The following PPP1R21 variants were observed in gnomAD, a reference collection of about 807,000 sequenced individuals.
PPP1R21 encodes KLRAQ motif containing 1.
PPP1R21 carries 85 observed loss-of-function variants against 112.8 expected under a neutral mutation model. The ratio of observed to expected loss-of-function variants is 0.75; its 90% CI spans 0.63 to 0.90. PPP1R21 has a LOEUF of 0.90. Ranked by LOEUF, PPP1R21 falls within the 40% of genes least tolerant of loss-of-function variation. The probability of loss-of-function intolerance (pLI) is 0.00; values close to 1 mark genes in which losing one functional copy is unlikely to be tolerated. For synonymous variants in PPP1R21, 381 were observed against 322.3 expected (o/e 1.18, Z -1.95); for missense variants, 1,199 against 901.5 (o/e 1.33, Z -4.23).
At chr2:48,505,731 A>G (rs1670345713) in intron 18 of PPP1R21, 135 bp downstream of exon 18, 3 of 759,910 alleles carry the variant, frequency 3.9e-6, no homozygotes, top group East Asian at 5.4e-5. Context: ...ATGTGGAGCC[A>G]GTGTTTTCCA....
At chr2:48,487,654 G>C (rs1011360162) in intron 14 of PPP1R21, among the ~76,000 whole-genome samples, 1 of 151,810 alleles carries the variant, frequency 6.6e-6, no homozygotes, top group African/African-American at 2.4e-5. Context: ...CCAGCTACTT[G>C]GGTGGCTGAG....
At chr2:48,462,157 A>C (rs1425666124) in intron 7 of PPP1R21, among the ~76,000 whole-genome samples, 2 of 152,208 alleles carry the variant, frequency 1.3e-5, no homozygotes, top group Non-Finnish European at 2.9e-5. Flanking sequence ...TCATGGATTT[A>C]TCCTTCCTTT....
chr2:48,515,359 A>G lies in PPP1R21; in HGVS notation c.*615A>G, dbSNP rs529849290. The stretch of plus-strand genomic sequence containing the variant: ...TTAGAGTAATAGCTAAAGGAAGTTC[A>G]TGTCAATAAATTCATACTTATATCA... On this transcript the variant is annotated 3_prime_UTR_variant, in exon 22 of 22. Coordinates refer to ENST00000294952, the MANE Select transcript of PPP1R21 (RefSeq NM_001135629.3). 6.6e-6 allele frequency: 1 copy of G among 152,134 alleles called. No homozygotes were observed. Among genetic ancestry groups the G allele is most frequent in the Non-Finnish European group, 1.5e-5 (1 of 68,046 alleles). The allele number at this position is 152,134 out of a possible 1,614,324, so 9.4% of individuals were successfully genotyped here. A position where few individuals can be genotyped will look rare whatever the true frequency, so the allele number is the denominator to read the frequency against.
At chr2:48,472,484 G>T (rs1273450000) in intron 11 of PPP1R21, among the ~76,000 whole-genome samples, 1 of 150,762 alleles carries the variant, frequency 6.6e-6, no homozygotes, top group Admixed American at 6.6e-5. Flanking sequence ...AAATTAGCCG[G>T]GCGTGGTGGT....
chr2:48,444,725 G>A (rs1355179525), intron 1 of PPP1R21, among the ~76,000 whole-genome samples: 2 of 152,202 alleles, frequency 1.3e-5, no homozygotes, highest in Non-Finnish European at 2.9e-5. Flanking sequence ...TCTGAAACTA[G>A]CAGTGAGACC....
chr2:48,460,294 C>T, intron 6 of PPP1R21, 141 bp downstream of exon 6: 2 of 795,302 alleles, frequency 2.5e-6, no homozygotes, highest in Middle Eastern at 2.4e-4. Context: ...CTTTTCAATT[C>T]TGGGATCTCC....
At chr2:48,445,989 T>C (rs1166509337) in intron 1 of PPP1R21, among the ~76,000 whole-genome samples, 3 of 152,224 alleles carry the variant, frequency 2.0e-5, no homozygotes, top group African/African-American at 7.2e-5. Flanking sequence ...TCTGAAGCTT[T>C]GAATCAGGGT....
chr2:48,498,807 T>A, intron 17 of PPP1R21, 72 bp downstream of exon 17: 1 of 1,466,026 alleles, frequency 6.8e-7, no homozygotes, highest in Non-Finnish European at 9.5e-7. Context: ...TGTTCAACAT[T>A]AACCATTGTC....
At chr2:48,501,061 A>G (rs1259395547) in intron 17 of PPP1R21, among the ~76,000 whole-genome samples, 2 of 152,202 alleles carry the variant, frequency 1.3e-5, no homozygotes, top group African/African-American at 2.4e-5. Flanking sequence ...TGTTCCAGTC[A>G]CAAGTCCTGC....
intron 17 of PPP1R21, among the ~76,000 whole-genome samples, chr2:48,499,950 A>T (rs753394359): frequency 2.0e-5 from 3 of 152,062 alleles, no homozygotes; most frequent in African/African-American, 7.2e-5. Context: ...TTTAACAAAC[A>T]TTTTTTTTAC....
chr2:48,493,565 G>C (rs1416429414), intron 15 of PPP1R21, among the ~76,000 whole-genome samples: 1 of 149,318 alleles, frequency 6.7e-6, no homozygotes, highest in East Asian at 2.0e-4. Context: ...TTTACATTTG[G>C]ACAGGCAGCC....
chr2:48,446,390 G>A (rs1667249167), intron 1 of PPP1R21, among the ~76,000 whole-genome samples: 1 of 152,168 alleles, frequency 6.6e-6, no homozygotes. Flanking sequence ...CAGAACCAGA[G>A]TTGTAGAGAG....
In PPP1R21 at chr2:48,479,670, A is replaced by T. The variant is rs1337638386; in HGVS notation, c.1226-254A>T. ...TTCGTTTTACAAAGAATCATGACAG[A>T]CTTAATCCTGCTTAACAACTGAATT... On this transcript the variant is annotated intron_variant, in intron 12 of 21. Coordinates refer to ENST00000294952, the MANE Select transcript of PPP1R21 (RefSeq NM_001135629.3). 4 of 615,130 alleles carry T rather than the reference A, an allele frequency of 6.5e-6. No individual in the cohort carries two copies. The African/African-American group carries it at 7.3e-5, about 11-fold the overall frequency. The allele number at this position is 615,130 out of a possible 1,614,324, so 38.1% of individuals were successfully genotyped here.
At chr2:48,499,079 C>T (rs1471604755) in intron 17 of PPP1R21, among the ~76,000 whole-genome samples, 1 of 151,242 alleles carries the variant, frequency 6.6e-6, no homozygotes, top group Admixed American at 6.6e-5. Context: ...AAAAGCCCTA[C>T]CTCCTAATAC....
intron 14 of PPP1R21, among the ~76,000 whole-genome samples, chr2:48,488,188 A>G (rs1303148458): frequency 6.6e-6 from 1 of 152,146 alleles, no homozygotes; most frequent in Admixed American, 6.6e-5. Flanking sequence ...AGGTTCTGTC[A>G]GCTTACAGAT....
At position 48,448,592 on chromosome 2, in the gene PPP1R21, C is replaced by T. The variant is rs573270593; in HGVS notation, c.58-2416C>T. Among the ~76,000 whole-genome samples the T allele has an allele frequency of 2.1e-3, 50 of 24,316 alleles. 1 individual carries two copies. Among genetic ancestry groups the T allele is most frequent in the African/African-American group, 6.9e-3 (50 of 7,198 alleles). The allele number at this position is 24,316 out of a possible 152,430, so 16.0% of individuals were successfully genotyped here. ...CTAAGGCAGGGGTATGAAATAAAAT[C>T]TAACGTCTTTAGATTTATAAAATAA... On this transcript the variant is annotated intron_variant, in intron 1 of 21. Transcript: ENST00000294952.
At chr2:48,479,660 A>T (rs1227874897) in intron 12 of PPP1R21, 7 of 620,338 alleles carry the variant, frequency 1.1e-5, no homozygotes, top group Non-Finnish European at 2.1e-5. Context: ...TTTACAAAGA[A>T]TCATGACAGA....
At chr2:48,513,968 A>G (rs1670753745) in intron 21 of PPP1R21, among the ~76,000 whole-genome samples, 1 of 152,190 alleles carries the variant, frequency 6.6e-6, no homozygotes, top group South Asian at 2.1e-4. Flanking sequence ...GACTTTTGAC[A>G]GATAATCAGT....
At chr2:48,459,138 A>G (rs1405468659) in intron 4 of PPP1R21, among the ~76,000 whole-genome samples, 2 of 150,978 alleles carry the variant, frequency 1.3e-5, no homozygotes, top group East Asian at 1.9e-4. Flanking sequence ...GTATCCAACT[A>G]TAACCTCCTT....
Sources: gnomAD v4.1 joint callset for allele counts (sites outside exome capture counted in the v4.1 genomes callset) on GRCh38, gnomAD v4.1.1 for gene constraint, MANE v1.5 for transcripts, NCBI Gene and HGNC (gene_info 2026-07-23, HGNC 2026-07-21) for gene names.